Variants in GTF2A1 observed in about 807,000 individuals in gnomAD.
The protein encoded by GTF2A1 is transcription initiation factor IIA subunit 1.
GTF2A1 carries 12 observed loss-of-function variants against 54.1 expected under a neutral mutation model. The ratio of observed to expected loss-of-function variants is 0.22; its 90% CI spans 0.14 to 0.36. The LOEUF is 0.36. GTF2A1 is among the 10% of genes least tolerant of loss of function. The pLI, the probability that GTF2A1 is intolerant of heterozygous loss-of-function variation, is 1.00. For missense variants in GTF2A1, 335 were observed against 442.2 expected, an observed-to-expected ratio of 0.76 and a Z score of 2.17; for synonymous variants, 145 against 152.0, an observed-to-expected ratio of 0.95 and a Z score of 0.34.
chr14:81,209,839 T>A (rs1312439671), intron 2 of GTF2A1: 2 of 918,972 alleles, frequency 2.2e-6, no homozygotes, highest in African/African-American at 3.4e-5. Flanking sequence ...ACTGCCTCCA[T>A]GCATAAAAGA....
chr14:81,181,274 T>C (rs1029808839), intron 8 of GTF2A1, among the ~76,000 whole-genome samples: 4 of 152,108 alleles, frequency 2.6e-5, no homozygotes, highest in East Asian at 1.9e-4. Context: ...AATTATTTAA[T>C]GTTCAAGTTC....
chr14:81,186,097 C>T (rs1052221846), intron 7 of GTF2A1, among the ~76,000 whole-genome samples: 1 of 152,208 alleles, frequency 6.6e-6, no homozygotes, highest in African/African-American at 2.4e-5. Flanking sequence ...GTGATCCACC[C>T]CGCCTAGGCC....
At chr14:81,188,229 C>A (rs1322819483) in intron 7 of GTF2A1, among the ~76,000 whole-genome samples, 1 of 152,048 alleles carries the variant, frequency 6.6e-6, no homozygotes, top group African/African-American at 2.4e-5. Flanking sequence ...GATAGTAGAT[C>A]CTTATCAAAT....
Position 81,192,774 on chromosome 14 carries a change from G to T in GTF2A1, c.678C>A (p.Ile226=). 1 of 1,613,564 alleles carries T rather than the reference G, an allele frequency of 6.2e-7. No individual in the cohort carries two copies. Among genetic ancestry groups the T allele is most frequent in the Non-Finnish European group, 8.5e-7 (1 of 1,179,452 alleles). The change falls in exon 7 of 9, where the codon ATC becomes ATA. Residue 226 remains isoleucine, a synonymous_variant. Transcript: ENST00000553612. ...QTGVIIQPQQ[I]LFTGNKTQVI... is the part of the protein sequence containing the mutation. ...CTTGAGTCTTATTTCCTGTAAATAA[G>T]ATTTGCTGAGGCTGGATGATGACAC...
chr14:81,212,404 T>C (rs1893391597), intron 2 of GTF2A1, among the ~76,000 whole-genome samples: 1 of 152,206 alleles, frequency 6.6e-6, no homozygotes, highest in South Asian at 2.1e-4. Context: ...CTGTATTTTA[T>C]TGTGTTTTTT....
At chr14:81,211,160 T>C (rs1893355599) in intron 2 of GTF2A1, among the ~76,000 whole-genome samples, 1 of 152,182 alleles carries the variant, frequency 6.6e-6, no homozygotes. Flanking sequence ...GCAGACAGAA[T>C]AGGGATATAA....
intron 4 of GTF2A1, among the ~76,000 whole-genome samples, chr14:81,198,425 T>C (rs1038597028): frequency 3.9e-5 from 6 of 152,140 alleles, no homozygotes; most frequent in East Asian, 3.9e-4. Context: ...GCCTGGGCAA[T>C]AGTCACAAAC....
chr14:81,220,769 G>A lies in GTF2A1; in HGVS notation c.-251C>T, dbSNP rs1397000767. The stretch of plus-strand genomic sequence containing the variant: ...AAAAAAAAAGCCACGACCCTTCAGG[G>A]GTCCGGGGGGCGTTGCCCGCTCCCC... On this transcript the variant is annotated 5_prime_UTR_variant, in exon 1 of 9. Coordinates refer to ENST00000553612, the MANE Select transcript of GTF2A1 (RefSeq NM_015859.4). 1 of 374,090 alleles carries A rather than the reference G, an allele frequency of 2.7e-6. No homozygotes were observed. The allele number at this position is 374,090 out of a possible 1,614,324, so 23.2% of individuals were successfully genotyped here. A position where few individuals can be genotyped will look rare whatever the true frequency, so the allele number is the denominator to read the frequency against.
At chr14:81,210,182 A>T (rs1001236159) in intron 2 of GTF2A1, among the ~76,000 whole-genome samples, 2 of 152,192 alleles carry the variant, frequency 1.3e-5, no homozygotes, top group Admixed American at 6.5e-5. Flanking sequence ...GAAAATCATT[A>T]TTTACCAAGT....
chr14:81,189,428 T>C (rs1170464129), intron 7 of GTF2A1, among the ~76,000 whole-genome samples: 3 of 152,064 alleles, frequency 2.0e-5, no homozygotes, highest in African/African-American at 7.2e-5. Context: ...TCCCAGCACT[T>C]TGGGAGGCCA....
intron 1 of GTF2A1, among the ~76,000 whole-genome samples, chr14:81,216,923 G>C (rs59666109): frequency 0.11 from 16,265 of 152,172 alleles, 1,958 homozygotes; most frequent in African/African-American, 0.3. Context: ...TTATGTCCGG[G>C]AGTCATCTGC....
chr14:81,220,650 A>C lies in GTF2A1; in HGVS notation c.-132T>G. On this transcript the variant is annotated 5_prime_UTR_variant, in exon 1 of 9. Coordinates refer to ENST00000553612, the MANE Select transcript of GTF2A1 (RefSeq NM_015859.4). ...AAGATTGGGGAAAAAATTTTAAACAAAATCAATCCTGAAGGAGTAGGGGAG... is the reference window on the plus strand; with the variant it reads ...AAGATTGGGGAAAAAATTTTAAACACAATCAATCCTGAAGGAGTAGGGGAG... 1.6e-6 allele frequency: 1 copy of C among 617,608 alleles called. No individual in the cohort carries two copies. The highest frequency in any genetic ancestry group is 2.7e-6 in the Non-Finnish European group (1 of 370,802). The allele number at this position is 617,608 out of a possible 1,614,324, so 38.3% of individuals were successfully genotyped here.
In GTF2A1 at chr14:81,177,049, G is replaced by C. The variant is rs535380571; in HGVS notation, c.*3174C>G. The C allele has an allele frequency of 3.3e-5, 5 of 151,118 alleles. No homozygotes were observed. The highest frequency in any genetic ancestry group is 1.3e-4 in the Admixed American group (2 of 15,224). The allele number at this position is 151,118 out of a possible 1,614,324, so 9.4% of individuals were successfully genotyped here. On this transcript the variant is annotated 3_prime_UTR_variant, in exon 9 of 9. Transcript: ENST00000553612. Reference sequence around the variant, plus strand: ...CAACTCTTTTCATTCCTCCATAAAAGCCAGGAAAAAAAAAATCTGTGACTT... The same window carrying C: ...CAACTCTTTTCATTCCTCCATAAAACCCAGGAAAAAAAAAATCTGTGACTT...
intron 4 of GTF2A1, among the ~76,000 whole-genome samples, chr14:81,199,686 T>G (rs1039019834): frequency 2.6e-5 from 4 of 152,166 alleles, no homozygotes; most frequent in African/African-American, 9.7e-5. Flanking sequence ...TCAATTTTCC[T>G]GAGTAACTGA....
chr14:81,191,849 A>T (rs1173611309), intron 7 of GTF2A1, among the ~76,000 whole-genome samples: 3 of 152,216 alleles, frequency 2.0e-5, no homozygotes, highest in Non-Finnish European at 4.4e-5. Context: ...TCAGAAAAAA[A>T]ATTACTTAGA....
intron 4 of GTF2A1, among the ~76,000 whole-genome samples, chr14:81,198,089 G>A (rs1044114879): frequency 3.9e-5 from 6 of 152,068 alleles, no homozygotes; most frequent in Non-Finnish European, 7.4e-5. Flanking sequence ...GGGACATACT[G>A]GCATTATATT....
At chr14:81,221,117 C>T (rs1595237967), upstream of GTF2A1, 1 of 152,332 alleles carries the variant, frequency 6.6e-6, no homozygotes, top group Non-Finnish European at 1.5e-5. Flanking sequence ...CTGGCGGAGC[C>T]CGGGGAGTGA....
chr14:81,183,946 T>C (rs915749672), intron 8 of GTF2A1, among the ~76,000 whole-genome samples: 6 of 152,220 alleles, frequency 3.9e-5, no homozygotes, highest in Admixed American at 1.3e-4. Flanking sequence ...TTCTTTACTA[T>C]TGGCTAAAGA....
chr14:81,196,191 G>A lies in GTF2A1; in HGVS notation c.529C>T (p.Gln177Ter). 1 of 1,613,932 alleles carries A rather than the reference G, an allele frequency of 6.2e-7. No individual in the cohort carries two copies. Among genetic ancestry groups the A allele is most frequent in the Non-Finnish European group, 8.5e-7 (1 of 1,179,794 alleles). ...RAANGAQYIF[Q>*]PQQSVVLQQQ... is the part of the protein sequence containing the mutation. ...TGTAGAACCACTGACTGCTGAGGCT[G>A]AAAGATATATTGGGCACCATTGGCT... The change falls in exon 6 of 9, where the codon CAG becomes TAG. Residue 177 changes from glutamine (Q) to a stop codon, truncating the protein, a stop_gained. Coordinates refer to ENST00000553612, the MANE Select transcript of GTF2A1 (RefSeq NM_015859.4). LOFTEE classifies it high-confidence loss of function.
Sources: gnomAD v4.1 joint callset for allele counts (sites outside exome capture counted in the v4.1 genomes callset) on GRCh38, gnomAD v4.1.1 for gene constraint, MANE v1.5 for transcripts, NCBI Gene and HGNC (gene_info 2026-07-23, HGNC 2026-07-21) for gene names.